The following CRLF1 variants were observed in gnomAD, a reference collection of about 807,000 sequenced individuals.
CRLF1 encodes the protein cytokine receptor-like factor 1.
CRLF1 carries 36 observed loss-of-function variants against 48.9 expected under a neutral mutation model. The observed-to-expected ratio is 0.74, with a 90% CI of 0.56 to 0.97. CRLF1 has a LOEUF of 0.97. Ranked by LOEUF, CRLF1 falls within the 50% of genes least tolerant of loss-of-function variation. The pLI, the probability that CRLF1 is intolerant of heterozygous loss-of-function variation, is 0.00. For missense variants in CRLF1, 534 were observed against 575.1 expected (o/e 0.93, Z 0.73); for synonymous variants, 256 against 253.4 (o/e 1.01, Z -0.10).
chr19:18,606,423 G>A lies in CRLF1; in HGVS notation c.115+119C>T. The A allele has an allele frequency of 1.3e-6, 1 of 770,726 alleles. No individual in the cohort carries two copies. Among genetic ancestry groups the A allele is most frequent in the Non-Finnish European group, 1.6e-6 (1 of 627,970 alleles). The allele number at this position is 770,726 out of a possible 1,614,324, so 47.7% of individuals were successfully genotyped here. A position where few individuals can be genotyped will look rare whatever the true frequency, so the allele number is the denominator to read the frequency against. On this transcript the variant is annotated intron_variant, in intron 1 of 8. Transcript: ENST00000392386. The surrounding 1 kb of genome is among the most constrained non-coding windows in gnomAD (Gnocchi z 4.8). ...GCGCCCCGAGGGCTGCGCCGGGGGC[G>A]CCTTCCTTTGTTCCCCGGCCGTCCA...
At chr19:18,598,271 C>T (rs539934743) in intron 4 of CRLF1, among the ~76,000 whole-genome samples, 161 bp downstream of exon 4, 1 of 152,286 alleles carries the variant, frequency 6.6e-6, no homozygotes, top group African/African-American at 2.4e-5. Flanking sequence ...CAGCTACTTA[C>T]CTACCTTCCC....
rs1453437683 is a variant in CRLF1 at position 18,599,098 on chromosome 19, G to A, written c.398-197C>T. On this transcript the variant is annotated intron_variant, in intron 2 of 8. Coordinates refer to ENST00000392386, the MANE Select transcript of CRLF1 (RefSeq NM_004750.5). Reference sequence around the variant, plus strand: ...AGGGCTCTTGAGAGGCTGGTGACTCGATCTCCGGGTTCTTTTTCTTTTTTC... The same window carrying A: ...AGGGCTCTTGAGAGGCTGGTGACTCAATCTCCGGGTTCTTTTTCTTTTTTC... The A allele has an allele frequency of 8.1e-6, 8 of 985,114 alleles. No individual in the cohort carries two copies. In the South Asian group the frequency reaches 2.8e-4, roughly 35 times the overall value. 61.0% of individuals were successfully genotyped at this position (985,114 alleles called of 1,614,324 possible).
chr19:18,593,400 C>T lies in CRLF1; in HGVS notation c.*166G>A. ...CCACTGGGGTGCACCCAAAGGTGGC[C>T]TCACGTGGGAGTCAGAGCTGTTATG... On this transcript the variant is annotated 3_prime_UTR_variant, in exon 9 of 9. Transcript: ENST00000392386. 1 of 938,424 alleles carries T rather than the reference C, an allele frequency of 1.1e-6. No homozygotes were observed. Among genetic ancestry groups the T allele is most frequent in the Non-Finnish European group, 1.6e-6 (1 of 623,524 alleles). 58.1% of individuals were successfully genotyped at this position (938,424 alleles called of 1,614,324 possible). A position where few individuals can be genotyped will look rare whatever the true frequency, so the allele number is the denominator to read the frequency against.
In CRLF1 at chr19:18,599,618, A is replaced by T. The variant is rs1425088576; in HGVS notation, c.344T>A (p.Val115Glu). 2.5e-6 allele frequency: 4 copies of T among 1,613,396 alleles called. No homozygotes were observed. The highest frequency in any genetic ancestry group is 3.4e-6 in the Non-Finnish European group (4 of 1,180,006). ...GSRQRSGDNLVCHARDGSILA... is the reference protein window; with the variant it reads ...GSRQRSGDNLECHARDGSILA... ...GATGCTGCCGTCACGGGCGTGGCAC[A>T]CGAGGTTGTCCCCCGACCGCTGCCT... Residue 115 changes from valine to glutamate, a missense_variant, in exon 2 of 9, where the codon GTG becomes GAG. Val to Glu is a moderately radical substitution (Grantham distance 121). Around this residue, in one of 2 missense-constraint regions of CRLF1, gnomAD observed 528 missense variants for 555.7 expected, o/e 0.95. Coordinates refer to ENST00000392386, the MANE Select transcript of CRLF1 (RefSeq NM_004750.5).
chr19:18,604,530 G>A (rs1025672099), intron 1 of CRLF1, among the ~76,000 whole-genome samples: 6 of 152,336 alleles, frequency 3.9e-5, no homozygotes, highest in African/African-American at 1.4e-4. Flanking sequence ...AATGTCCAGA[G>A]GGCTCAGAAG....
intron 4 of CRLF1, among the ~76,000 whole-genome samples, chr19:18,597,322 G>C (rs962069274): frequency 6.6e-6 from 1 of 152,068 alleles, no homozygotes; most frequent in Admixed American, 6.6e-5. Context: ...AGCCATTGCG[G>C]GGTTGATGAT....
chr19:18,599,580 A>C lies in CRLF1; in HGVS notation c.382T>G (p.Cys128Gly). The change falls in exon 2 of 9, where the codon TGC becomes GGC. Residue 128 changes from cysteine to glycine, a missense_variant. By Grantham distance (159) the Cys-to-Gly change is radical. Transcript: ENST00000392386. ...GCCAACTTACGGCCAACATAGAGGC[A>C]GGAGCCAGCCAGGATGCTGCCGTCA... Reference protein sequence around the residue: ...ARDGSILAGSCLYVGLPPEKP... With the variant: ...ARDGSILAGSGLYVGLPPEKP... The C allele has an allele frequency of 6.2e-7, 1 of 1,612,486 alleles. No individual in the cohort carries two copies. The highest frequency in any genetic ancestry group is 8.5e-7 in the Non-Finnish European group (1 of 1,180,014).
intron 5 of CRLF1, 39 bp downstream of exon 5, chr19:18,596,853 G>A (rs1976142282): frequency 6.2e-7 from 1 of 1,613,528 alleles, no homozygotes; most frequent in Non-Finnish European, 8.5e-7. Context: ...GGCGGGGCCT[G>A]GAAGGAACAG....
intron 6 of CRLF1, among the ~76,000 whole-genome samples, chr19:18,595,695 A>G (rs189814332): frequency 5.2e-4 from 79 of 152,234 alleles, no homozygotes; most frequent in Non-Finnish European, 5.9e-5. Flanking sequence ...GGGATTCTCG[A>G]CCCCACCTTC....
intron 8 of CRLF1, 35 bp downstream of exon 8, chr19:18,594,030 G>GTGGGGGCCCCCCCCCCCCC: frequency 7.6e-7 from 1 of 1,315,314 alleles, no homozygotes; most frequent in African/African-American, 1.5e-5. Context: ...CCCTCCCCTT[G>GTGGGGGCCCCCCCCCCCCC]CTCCCTCCCG....
intron 8 of CRLF1, 33 bp downstream of exon 8, chr19:18,594,032 T>TGGGGGGGGGCCCCCCCCCCC: frequency 1.4e-6 from 1 of 695,814 alleles, no homozygotes; most frequent in Non-Finnish European, 2.2e-6. Context: ...CTCCCCTTGC[T>TGGGGGGGGGCCCCCCCCCCC]CCCTCCCGCC....
intron 8 of CRLF1, 33 bp downstream of exon 8, chr19:18,594,032 T>TGGGGGGGCCCCCCCCC: frequency 2.9e-6 from 2 of 695,810 alleles, no homozygotes; most frequent in Non-Finnish European, 4.4e-6. Context: ...CTCCCCTTGC[T>TGGGGGGGCCCCCCCCC]CCCTCCCGCC....
chr19:18,594,130 G>A (rs1389814130), intron 7 of CRLF1, 23 bp from the exon 8 acceptor site: 15 of 1,581,934 alleles, frequency 9.5e-6, no homozygotes, highest in Non-Finnish European at 1.3e-5. Flanking sequence ...GGAAGGCAGA[G>A]GTGTCGTGGG....
Position 18,604,588 on chromosome 19 carries a change from G to A in CRLF1, c.115+1954C>T, listed in dbSNP as rs138454829. Among the ~76,000 whole-genome samples, 858 of 152,294 alleles carry A rather than the reference G, an allele frequency of 5.6e-3. 6 individuals carry two copies. Among genetic ancestry groups the A allele is most frequent in the African/African-American group, 0.02 (824 of 41,560 alleles). On this transcript the variant is annotated intron_variant, in intron 1 of 8. Transcript: ENST00000392386. Reference sequence around the variant, plus strand: ...AAGATGACAGCCCCTCCCAGCTCTGGGGTCCCGGCTGACTAGGCACTCCCT... The same window carrying A: ...AAGATGACAGCCCCTCCCAGCTCTGAGGTCCCGGCTGACTAGGCACTCCCT...
At chr19:18,593,956 C>T (rs999922584) in intron 8 of CRLF1, 109 bp downstream of exon 8, 6 of 1,498,918 alleles carry the variant, frequency 4.0e-6, no homozygotes, top group Admixed American at 2.0e-5. Context: ...TCCATCTCAG[C>T]GACTCTAAGG....
chr19:18,598,354 G>T, intron 4 of CRLF1, 78 bp downstream of exon 4: 1 of 1,490,030 alleles, frequency 6.7e-7, no homozygotes, highest in Non-Finnish European at 9.1e-7. Context: ...AAAATGAGAA[G>T]GTGCAGGGGA....
rs956124527 is a variant in CRLF1, at chr19:18,606,006, G to A, written c.115+536C>T. Among the ~76,000 whole-genome samples the A allele has an allele frequency of 1.3e-5, 2 of 151,994 alleles. No homozygotes were observed. The highest frequency in any genetic ancestry group is 2.9e-5 in the Non-Finnish European group (2 of 67,912). Reference sequence around the variant, plus strand: ...CCGTGCGCCGGGTCCCGCAGGGGGAGGGCGGTGGCGCCGGCCCGTGGAGAC... The same window carrying A: ...CCGTGCGCCGGGTCCCGCAGGGGGAAGGCGGTGGCGCCGGCCCGTGGAGAC... On this transcript the variant is annotated intron_variant, in intron 1 of 8. Transcript: ENST00000392386. This position sits in a 1 kb window ranked among gnomAD's most constrained non-coding sequence, Gnocchi z 4.8.
chr19:18,605,000 C>A (rs1363230649), intron 1 of CRLF1, among the ~76,000 whole-genome samples: 2 of 152,174 alleles, frequency 1.3e-5, no homozygotes, highest in African/African-American at 2.4e-5. Flanking sequence ...TCTCCCGTCC[C>A]GCTGGTACCT....
intron 1 of CRLF1, among the ~76,000 whole-genome samples, chr19:18,605,707 C>A (rs933975796): frequency 6.6e-6 from 1 of 152,132 alleles, no homozygotes; most frequent in Admixed American, 6.5e-5. Context: ...CATACGGAGA[C>A]GTATCCTTGC....
Sources: allele counts gnomAD v4.1 joint callset (sites outside exome capture counted in the v4.1 genomes callset), GRCh38; gene constraint gnomAD v4.1.1; regional missense constraint gnomAD v4.1.1; non-coding constraint Gnocchi (gnomAD v3.1); transcripts MANE v1.5; gene names NCBI Gene and HGNC (gene_info 2026-07-23, HGNC 2026-07-21).